The following TACC2 variants were observed in gnomAD, a reference collection of about 807,000 sequenced individuals.
The protein encoded by TACC2 is transforming acidic coiled-coil containing protein 2, also known as transforming acidic coiled-coil-containing protein 2.
In TACC2, 137 loss-of-function variants were observed where a neutral mutation model predicts 227.3. The observed-to-expected ratio is 0.60, with a 90% confidence interval of 0.52 to 0.69. The LOEUF (loss-of-function observed/expected upper bound fraction) is 0.69. TACC2 is among the 30% of genes least tolerant of loss of function. The pLI, the probability that TACC2 is intolerant of heterozygous loss-of-function variation, is 0.00. For synonymous variants in TACC2, 1,523 were observed against 1,487.5 expected (o/e 1.02, Z -0.55); for missense variants, 3,470 against 3,694.4 (o/e 0.94, Z 1.57).
chr10:122,105,603 C>T (rs1021625830), intron 5 of TACC2, among the ~76,000 whole-genome samples: 7 of 151,232 alleles, frequency 4.6e-5, no homozygotes, highest in South Asian at 4.2e-4. Flanking sequence ...TGTCTTTCCA[C>T]GTAGCGTCCT....
At chr10:122,167,412 A>G (rs746649587) in intron 7 of TACC2, among the ~76,000 whole-genome samples, 2 of 152,220 alleles carry the variant, frequency 1.3e-5, no homozygotes, top group African/African-American at 2.4e-5. Context: ...AACTAAGAGA[A>G]AGAAGTGGCA....
rs1182288731 is a variant in TACC2 at position 122,180,321 on chromosome 10, A to G, written c.5835-14719A>G. ...CATCTTTTTGTTCTCCCTGCCTGAA[A>G]CTTTCTTCCCCCCAGTTCTTTTTTT... On this transcript the variant is annotated intron_variant, in intron 7 of 22. Coordinates refer to ENST00000369005, the MANE Select transcript of TACC2 (RefSeq NM_206862.4). The surrounding 1 kb of genome is among the most constrained non-coding windows in gnomAD (Gnocchi z 4.5). Among the ~76,000 whole-genome samples, 1 of 146,154 alleles carries G rather than the reference A, an allele frequency of 6.8e-6. No homozygotes were observed. The highest frequency in any genetic ancestry group is 2.5e-5 in the African/African-American group (1 of 39,566).
chr10:122,009,811 A>C (rs1395295507), intron 1 of TACC2, among the ~76,000 whole-genome samples: 1 of 152,002 alleles, frequency 6.6e-6, no homozygotes, highest in Non-Finnish European at 1.5e-5. Flanking sequence ...CTGTAGTCCC[A>C]GCTACTCAGG....
intron 3 of TACC2, among the ~76,000 whole-genome samples, chr10:122,068,852 A>ACT (rs1565202947): frequency 1.7e-4 from 14 of 83,470 alleles, no homozygotes; most frequent in Admixed American, 2.6e-4. Context: ...GTGACCTAGA[A>ACT]GTTTTTTTTT....
chr10:122,028,555 C>T (rs9421433), intron 2 of TACC2, among the ~76,000 whole-genome samples: 318 of 152,190 alleles, frequency 2.1e-3, no homozygotes, highest in African/African-American at 7.3e-3. Flanking sequence ...TTGATTTTTG[C>T]ATGCTGATTT....
In TACC2 at chr10:122,050,157, G is replaced by T. The variant is rs1242833654; in HGVS notation, c.34-281G>T. ...AGCAAGTGACCCCAAAGTGTGGTAG[G>T]TGTCCCCAGTTTTGGTTTTTCTACT... On this transcript the variant is annotated intron_variant, in intron 2 of 22. Transcript: ENST00000369005. This position sits in a 1 kb window ranked among gnomAD's most constrained non-coding sequence, Gnocchi z 4.6. Among the ~76,000 whole-genome samples the T allele has an allele frequency of 6.6e-6, 1 of 152,162 alleles. No homozygotes were observed. The highest frequency in any genetic ancestry group is 2.4e-5 in the African/African-American group (1 of 41,440).
intron 3 of TACC2, among the ~76,000 whole-genome samples, chr10:122,077,889 G>A (rs1011751628): frequency 1.7e-4 from 26 of 152,144 alleles, no homozygotes; most frequent in African/African-American, 4.8e-4. Context: ...TGGATTAAGC[G>A]CAATCGTAAC....
At chr10:122,117,890 T>C (rs530531895) in intron 5 of TACC2, among the ~76,000 whole-genome samples, 2 of 152,236 alleles carry the variant, frequency 1.3e-5, no homozygotes, top group South Asian at 4.2e-4. Context: ...TCTTTTTTCT[T>C]CCTCCTTTTA....
intron 3 of TACC2, among the ~76,000 whole-genome samples, chr10:122,066,043 T>C (rs976151719): frequency 6.6e-6 from 1 of 152,128 alleles, no homozygotes; most frequent in African/African-American, 2.4e-5. Context: ...TAAGTACCTA[T>C]ATTGTAGGCA....
intron 22 of TACC2, among the ~76,000 whole-genome samples, chr10:122,250,686 T>C (rs2096237016): frequency 6.6e-6 from 1 of 152,032 alleles, no homozygotes; most frequent in Non-Finnish European, 1.5e-5. Flanking sequence ...GAAATGGGGC[T>C]CCTGTCCCCA....
chr10:122,158,447 A>G (rs2092626384), intron 7 of TACC2, among the ~76,000 whole-genome samples: 1 of 152,114 alleles, frequency 6.6e-6, no homozygotes. Context: ...AGTCAGTCTC[A>G]TCTGTGTTTA....
rs111268746 is a variant in TACC2, at chr10:122,136,533, T to TTG, written c.5699+3811_5699+3812dup. On this transcript the variant is annotated intron_variant, in intron 6 of 22. Transcript: ENST00000369005. The stretch of plus-strand genomic sequence containing the variant: ...TATATATATATGTGTGTATGTATGT[T>TTG]TGTGTGTGTGTGTATATATATATAT... 9.8e-3 allele frequency among the ~76,000 whole-genome samples: 1,415 copies of TTG among 144,670 alleles called. 22 individuals carry two copies. The highest frequency in any genetic ancestry group is 0.033 in the African/African-American group (1,309 of 39,206). The allele number at this position is 144,670 out of a possible 152,430, so 94.9% of individuals were successfully genotyped here. A position where few individuals can be genotyped will look rare whatever the true frequency, so the allele number is the denominator to read the frequency against.
At chr10:122,190,475 G>A (rs548238026) in intron 7 of TACC2, among the ~76,000 whole-genome samples, 1 of 152,302 alleles carries the variant, frequency 6.6e-6, no homozygotes, top group South Asian at 2.1e-4. Context: ...GAGCTCGGCA[G>A]GGTCCTGTTT....
chr10:122,233,627 C>G (rs1010982217), intron 16 of TACC2, among the ~76,000 whole-genome samples: 2 of 152,200 alleles, frequency 1.3e-5, no homozygotes, highest in Admixed American at 6.5e-5. Context: ...AGACTACCCC[C>G]ACCCATACAC....
At position 122,180,361 on chromosome 10, in the gene TACC2, A is replaced by T. The variant is rs1162005260; in HGVS notation, c.5835-14679A>T. 6.8e-6 allele frequency among the ~76,000 whole-genome samples: 1 copy of T among 147,752 alleles called. No individual in the cohort carries two copies. The highest frequency in any genetic ancestry group is 1.5e-5 in the Non-Finnish European group (1 of 67,216). The stretch of plus-strand genomic sequence containing the variant: ...GTTCTTTTTTTTTTTTTTTGGGTTA[A>T]TAGTCTGGCTTTGTCGCCCAGGCTG... On this transcript the variant is annotated intron_variant, in intron 7 of 22. Transcript: ENST00000369005. The surrounding 1 kb of genome is among the most constrained non-coding windows in gnomAD (Gnocchi z 4.5).
At chr10:122,234,812 C>T (rs932276926) in intron 16 of TACC2, among the ~76,000 whole-genome samples, 1 of 152,100 alleles carries the variant, frequency 6.6e-6, no homozygotes, top group Non-Finnish European at 1.5e-5. Flanking sequence ...TATTTAGTTT[C>T]TGCCCACTAT....
intron 5 of TACC2, among the ~76,000 whole-genome samples, chr10:122,090,321 C>T (rs917848784): frequency 3.3e-5 from 5 of 151,806 alleles, no homozygotes; most frequent in African/African-American, 1.2e-4. Flanking sequence ...CCGAGGCAGG[C>T]AGATCACAAG....
intron 1 of TACC2, among the ~76,000 whole-genome samples, chr10:122,013,454 C>T (rs1393164959): frequency 2.0e-5 from 3 of 152,204 alleles, no homozygotes; most frequent in East Asian, 1.9e-4. Flanking sequence ...CCATGCTCAG[C>T]TGTGCAAGGT....
intron 7 of TACC2, chr10:122,192,458 A>G (rs1213054515): frequency 3.0e-6 from 1 of 333,360 alleles, no homozygotes; most frequent in Non-Finnish European, 6.0e-6. Flanking sequence ...AGTGCCCAGG[A>G]ATGCAGAAGC....
Sources: gnomAD v4.1 joint callset for allele counts (sites outside exome capture counted in the v4.1 genomes callset) on GRCh38, gnomAD v4.1.1 for gene constraint, Gnocchi (gnomAD v3.1) non-coding constraint, MANE v1.5 for transcripts, NCBI Gene and HGNC (gene_info 2026-07-23, HGNC 2026-07-21) for gene names.